Variants in PPFIBP2 observed in about 807,000 individuals in gnomAD.
PPFIBP2 encodes liprin-beta-2.
Under a neutral mutation model 118.3 loss-of-function variants are expected in PPFIBP2, and 118 were observed. The observed-to-expected ratio is 1.00, with a 90% confidence interval of 0.86 to 1.16. The LOEUF (loss-of-function observed/expected upper bound fraction) is 1.16, where lower values mean the gene tolerates loss of function less well. Among genes scored for constraint, PPFIBP2 ranks in the 50% most tolerant of loss-of-function variants. The probability of loss-of-function intolerance (pLI) is 0.00; values close to 1 mark genes in which losing one functional copy is unlikely to be tolerated. For missense variants in PPFIBP2, 1,195 were observed against 1,073.1 expected, an observed-to-expected ratio of 1.11 and a Z score of -1.59; for synonymous variants, 414 against 397.4, an observed-to-expected ratio of 1.04 and a Z score of -0.50.
At chr11:7,587,185 A>C (rs1336983526) in intron 3 of PPFIBP2, among the ~76,000 whole-genome samples, 1 of 152,192 alleles carries the variant, frequency 6.6e-6, no homozygotes, top group Non-Finnish European at 1.5e-5. Flanking sequence ...CATCTATTCC[A>C]CACACAAAGG....
intron 1 of PPFIBP2, among the ~76,000 whole-genome samples, chr11:7,526,926 AG>A (rs1850281613): frequency 6.6e-6 from 1 of 152,042 alleles, no homozygotes; most frequent in African/African-American, 2.4e-5. Context: ...AAGCTGTTTT[AG>A]ACTCACTTGC....
chr11:7,576,497 G>C (rs1017032549), intron 3 of PPFIBP2: 9 of 152,504 alleles, frequency 5.9e-5, no homozygotes, highest in African/African-American at 2.2e-4. Flanking sequence ...CTGAAAGGAG[G>C]AAAACAGCTG....
chr11:7,648,955 C>T (rs760812492), intron 19 of PPFIBP2, 44 bp downstream of exon 19: 5 of 1,542,456 alleles, frequency 3.2e-6, no homozygotes, highest in Admixed American at 1.7e-5. Context: ...CTGGCAGCAA[C>T]TAAGAGTAGA....
chr11:7,596,164 G>A (rs561850816), intron 4 of PPFIBP2, among the ~76,000 whole-genome samples: 1 of 152,308 alleles, frequency 6.6e-6, no homozygotes, highest in African/African-American at 2.4e-5. Context: ...GCATGGTATA[G>A]ACCATAGAAA....
chr11:7,531,521 A>T (rs1850684220), intron 1 of PPFIBP2, among the ~76,000 whole-genome samples: 1 of 152,198 alleles, frequency 6.6e-6, no homozygotes, highest in African/African-American at 2.4e-5. Context: ...GCTTACCTTG[A>T]TGTGGTTTAA....
intron 5 of PPFIBP2, among the ~76,000 whole-genome samples, chr11:7,607,332 C>T (rs774819231): frequency 1.4e-5 from 2 of 144,482 alleles, no homozygotes; most frequent in African/African-American, 2.8e-5. Flanking sequence ...CTCAGCCTCT[C>T]AAGTAGCTGG....
intron 8 of PPFIBP2, 100 bp from the exon 9 acceptor site, chr11:7,628,185 A>G (rs1190361707): frequency 1.0e-6 from 1 of 977,836 alleles, no homozygotes; most frequent in South Asian, 1.6e-5. Flanking sequence ...AGCCATGTTC[A>G]CATGGCAAGT....
intron 3 of PPFIBP2, among the ~76,000 whole-genome samples, chr11:7,566,211 A>G (rs1189734797): frequency 1.3e-5 from 2 of 152,148 alleles, no homozygotes; most frequent in Admixed American, 1.3e-4. Flanking sequence ...TTAGGAGGCA[A>G]TGTTTTCTTA....
chr11:7,558,732 G>C (rs548096731), intron 2 of PPFIBP2, among the ~76,000 whole-genome samples: 1 of 151,738 alleles, frequency 6.6e-6, no homozygotes, highest in African/African-American at 2.4e-5. Context: ...CTCCAGCCTG[G>C]GTAACAGAGC....
At chr11:7,610,028 G>A (rs1417411679) in intron 5 of PPFIBP2, among the ~76,000 whole-genome samples, 1 of 152,092 alleles carries the variant, frequency 6.6e-6, no homozygotes, top group Non-Finnish European at 1.5e-5. Flanking sequence ...ATGAATAATG[G>A]TCTCTATGGG....
At chr11:7,590,047 C>G (rs1048385722) in intron 3 of PPFIBP2, among the ~76,000 whole-genome samples, 1 of 152,164 alleles carries the variant, frequency 6.6e-6, no homozygotes, top group Admixed American at 6.5e-5. Context: ...CGTGATTGAA[C>G]CTGTTGCCAG....
At chr11:7,552,092 G>C (rs1853063122) in intron 2 of PPFIBP2, among the ~76,000 whole-genome samples, 1 of 152,316 alleles carries the variant, frequency 6.6e-6, no homozygotes, top group East Asian at 1.9e-4. Context: ...GTAGAGAGAA[G>C]GCATTCTTTG....
intron 10 of PPFIBP2, 65 bp from the exon 11 acceptor site, chr11:7,630,860 T>C (rs1850660785): frequency 1.1e-5 from 12 of 1,117,944 alleles, no homozygotes; most frequent in Admixed American, 1.7e-5. Context: ...TAGAATTTTG[T>C]GGTACGATTA....
chr11:7,514,902 C>T (rs1223842727), intron 1 of PPFIBP2, among the ~76,000 whole-genome samples: 1 of 152,100 alleles, frequency 6.6e-6, no homozygotes, highest in Non-Finnish European at 1.5e-5. Flanking sequence ...GGTATAGATC[C>T]GTGTCCCTTT....
chr11:7,646,552 A>G (rs1439252397), intron 17 of PPFIBP2, among the ~76,000 whole-genome samples: 1 of 152,222 alleles, frequency 6.6e-6, no homozygotes, highest in African/African-American at 2.4e-5. Context: ...GTATCCACCC[A>G]AAATACAAGA....
intron 16 of PPFIBP2, chr11:7,642,043 C>G (rs1852268448): frequency 4.5e-6 from 2 of 448,588 alleles, no homozygotes; most frequent in Non-Finnish European, 7.9e-6. Flanking sequence ...AAACTGGGGC[C>G]TCCTACAAGG....
At chr11:7,611,317 G>A (rs1848046339) in intron 6 of PPFIBP2, among the ~76,000 whole-genome samples, 1 of 150,392 alleles carries the variant, frequency 6.6e-6, no homozygotes, top group Non-Finnish European at 1.5e-5. Context: ...TTGGCATTTT[G>A]TGAGCACCTG....
chr11:7,618,538 AG>A (rs1848955368), intron 6 of PPFIBP2, among the ~76,000 whole-genome samples: 2 of 152,204 alleles, frequency 1.3e-5, no homozygotes, highest in Non-Finnish European at 2.9e-5. Context: ...GCTGAGCAGA[AG>A]AACCCTCAAC....
intron 3 of PPFIBP2, 126 bp from the exon 4 acceptor site, chr11:7,593,006 T>C: frequency 3.7e-6 from 5 of 1,344,052 alleles, no homozygotes; most frequent in Non-Finnish European, 4.9e-6. Context: ...GTTTTGATGA[T>C]TGGTTTTGTA....
Sources: gnomAD v4.1 joint callset for allele counts (sites outside exome capture counted in the v4.1 genomes callset) on GRCh38, gnomAD v4.1.1 for gene constraint, MANE v1.5 for transcripts, NCBI Gene and HGNC (gene_info 2026-07-23, HGNC 2026-07-21) for gene names.